MYO1D: variants seen among roughly 807,000 people sequenced by gnomAD.
MYO1D encodes the protein myosin ID.
Under a neutral mutation model 122.0 loss-of-function variants are expected in MYO1D, and 83 were observed. That is an observed-to-expected ratio of 0.68 (90% CI 0.57 to 0.82). MYO1D has a LOEUF of 0.82. MYO1D is among the 40% of genes least tolerant of loss of function. The pLI is 0.00. For synonymous variants in MYO1D, 464 were observed against 446.9 expected (o/e 1.04, Z -0.48); for missense variants, 1,157 against 1,269.5 (o/e 0.91, Z 1.35).
At chr17:32,749,335 T>C (rs1217444572) in intron 11 of MYO1D, among the ~76,000 whole-genome samples, 1 of 152,172 alleles carries the variant, frequency 6.6e-6, no homozygotes, top group African/African-American at 2.4e-5. Context: ...CCCCAACTAG[T>C]TGGATGCAGA....
chr17:32,792,022 G>C (rs562253580), intron 1 of MYO1D, among the ~76,000 whole-genome samples: 128 of 152,260 alleles, frequency 8.4e-4, no homozygotes, highest in African/African-American at 3.0e-3. Flanking sequence ...AGTAGATAGA[G>C]AAAAGCCGAG....
intron 21 of MYO1D, among the ~76,000 whole-genome samples, chr17:32,542,972 A>T (rs1244773636): frequency 1.3e-5 from 2 of 152,206 alleles, no homozygotes; most frequent in Non-Finnish European, 2.9e-5. Flanking sequence ...CACACCTGTA[A>T]TCCCGGCACT....
At chr17:32,698,756 A>T (rs1479595596) in intron 16 of MYO1D, among the ~76,000 whole-genome samples, 1 of 152,128 alleles carries the variant, frequency 6.6e-6, no homozygotes, top group African/African-American at 2.4e-5. Flanking sequence ...TACTATTTTC[A>T]TTATATGTTT....
chr17:32,802,183 T>C (rs1281219841), intron 1 of MYO1D, among the ~76,000 whole-genome samples: 1 of 152,196 alleles, frequency 6.6e-6, no homozygotes, highest in Non-Finnish European at 1.5e-5. Flanking sequence ...TCTGACAGTA[T>C]GATCATTTGT....
chr17:32,686,994 C>CACAG (rs1167661675), intron 16 of MYO1D, among the ~76,000 whole-genome samples: 1 of 128,236 alleles, frequency 7.8e-6, no homozygotes, highest in Non-Finnish European at 1.7e-5. Context: ...CACACACACA[C>CACAG]ACACACACAC....
At chr17:32,683,042 G>A (rs1486682358) in intron 16 of MYO1D, among the ~76,000 whole-genome samples, 3 of 116,680 alleles carry the variant, frequency 2.6e-5, no homozygotes, top group African/African-American at 3.5e-5. Context: ...TGATCGCATC[G>A]GCTCCTGAGG....
Position 32,771,157 on chromosome 17 carries a change from A to G in MYO1D, c.682T>C (p.Tyr228His). The G allele has an allele frequency of 1.9e-6, 3 of 1,610,498 alleles. No homozygotes were observed. In the East Asian group the frequency reaches 6.7e-5, roughly 36 times the overall value. The change falls in exon 6 of 22, where the codon TAC becomes CAC. Residue 228 changes from tyrosine (Y) to histidine (H), a missense_variant. By Grantham distance (83) the Tyr-to-His change is moderately conservative. Transcript: ENST00000318217. ...SLHLQKSLSS[Y>H]NYIHVGAQLK... ...TGAGCTCCCACATGAATATAGTTGT[A>G]GGATGAAAGGGATTTCTGGAGATGT...
intron 1 of MYO1D, among the ~76,000 whole-genome samples, chr17:32,862,141 A>T (rs2091082858): frequency 6.6e-6 from 1 of 152,282 alleles, no homozygotes; most frequent in Non-Finnish European, 1.5e-5. Context: ...TCTTGCTTAA[A>T]GCTATCTTCC....
intron 21 of MYO1D, among the ~76,000 whole-genome samples, chr17:32,560,079 A>AC (rs762077334): frequency 6.6e-6 from 1 of 151,918 alleles, no homozygotes; most frequent in Admixed American, 6.6e-5. Context: ...ACATGGTGAA[A>AC]CCCCCATCTC....
intron 1 of MYO1D, among the ~76,000 whole-genome samples, chr17:32,789,709 G>C (rs150256588): frequency 7.2e-5 from 11 of 152,290 alleles, no homozygotes; most frequent in African/African-American, 2.6e-4. Context: ...CGAAGGGAGA[G>C]ACAGGGAGAA....
chr17:32,792,942 G>A (rs1411250649), intron 1 of MYO1D, among the ~76,000 whole-genome samples: 1 of 152,086 alleles, frequency 6.6e-6, no homozygotes, highest in Non-Finnish European at 1.5e-5. Context: ...GGAGCCCTGG[G>A]TTTGAACCCT....
intron 21 of MYO1D, among the ~76,000 whole-genome samples, chr17:32,560,528 CATATAT>C (rs56214129): frequency 0.025 from 1,605 of 65,140 alleles, 74 homozygotes; most frequent in South Asian, 0.039. Context: ...CCAGAGACAA[CATATAT>C]ATATATATAT....
rs143199644 is a variant in MYO1D at position 32,707,539 on chromosome 17, T to C, written c.2121+4449A>G. Among the ~76,000 whole-genome samples the C allele has an allele frequency of 1.2e-3, 161 of 134,028 alleles. 1 individual carries two copies. The highest frequency in any genetic ancestry group is 4.6e-3 in the African/African-American group (155 of 33,716). The allele number at this position is 134,028 out of a possible 152,430, so 87.9% of individuals were successfully genotyped here. A position where few individuals can be genotyped will look rare whatever the true frequency, so the allele number is the denominator to read the frequency against. On this transcript the variant is annotated intron_variant, in intron 16 of 21. Coordinates refer to ENST00000318217, the MANE Select transcript of MYO1D (RefSeq NM_015194.3). ...AAGGCTACATGTATAAAGATGTCTA[T>C]TAAAGTTTAGGGAAGACTAATGGGG...
intron 21 of MYO1D, chr17:32,499,192 C>G (rs1909228717): frequency 6.6e-6 from 1 of 150,758 alleles, no homozygotes; most frequent in Non-Finnish European, 1.5e-5. Flanking sequence ...CCCTCTCAAA[C>G]AAAATAAAAC....
At chr17:32,628,631 AT>A (rs1356665976) in intron 20 of MYO1D, among the ~76,000 whole-genome samples, 1 of 152,232 alleles carries the variant, frequency 6.6e-6, no homozygotes, top group African/African-American at 2.4e-5. Context: ...TCTCATAAAG[AT>A]TAATTGATAA....
intron 21 of MYO1D, among the ~76,000 whole-genome samples, chr17:32,519,905 A>ATTTTTTT (rs1483731313): frequency 8.4e-6 from 1 of 118,620 alleles, no homozygotes; most frequent in African/African-American, 3.6e-5. Flanking sequence ...TTTTTTTAAA[A>ATTTTTTT]AAAAAAACCA....
At chr17:32,659,579 G>A (rs533922993) in intron 16 of MYO1D, 17 of 539,916 alleles carry the variant, frequency 3.1e-5, no homozygotes, top group East Asian at 1.9e-4. Context: ...AGTGTGTGCT[G>A]AGCCTGAAGC....
At chr17:32,543,372 C>T (rs1339789305) in intron 21 of MYO1D, among the ~76,000 whole-genome samples, 2 of 151,280 alleles carry the variant, frequency 1.3e-5, no homozygotes, top group South Asian at 2.1e-4. Flanking sequence ...GTTAGGAGAT[C>T]GAGACCATCC....
intron 1 of MYO1D, among the ~76,000 whole-genome samples, chr17:32,846,055 G>T (rs1298035644): frequency 2.0e-5 from 3 of 152,146 alleles, no homozygotes; most frequent in African/African-American, 4.8e-5. Context: ...AACTCTGAGG[G>T]TTGCCTACTT....
Sources: gnomAD v4.1 joint callset for allele counts (sites outside exome capture counted in the v4.1 genomes callset) on GRCh38, gnomAD v4.1.1 for gene constraint, MANE v1.5 for transcripts, NCBI Gene and HGNC (gene_info 2026-07-23, HGNC 2026-07-21) for gene names.